Variants in GPC6 observed in about 807,000 individuals in gnomAD.
The protein encoded by GPC6 is glypican-6.
Under a neutral mutation model 55.2 loss-of-function variants are expected in GPC6, and 14 were observed. That is an observed-to-expected ratio of 0.25 (90% CI 0.17 to 0.40). The LOEUF (loss-of-function observed/expected upper bound fraction) is 0.40, where lower values mean the gene tolerates loss of function less well. GPC6 is among the 10% of genes least tolerant of loss of function. GPC6 has a pLI of 1.00. For missense variants in GPC6, 641 were observed against 708.5 expected (o/e 0.90, Z 1.08); for synonymous variants, 278 against 259.6 (o/e 1.07, Z -0.68).
chr13:94,027,325 A>G (rs1882938674), intron 3 of GPC6, among the ~76,000 whole-genome samples: 1 of 152,186 alleles, frequency 6.6e-6, no homozygotes, highest in African/African-American at 2.4e-5. Context: ...TACAAAGGAA[A>G]TATATCTGCC....
At chr13:94,268,917 G>C (rs1319120190) in intron 4 of GPC6, among the ~76,000 whole-genome samples, 1 of 152,180 alleles carries the variant, frequency 6.6e-6, no homozygotes, top group Non-Finnish European at 1.5e-5. Context: ...GTACTTACTA[G>C]TGTTTAGAAG....
At chr13:94,194,943 C>T (rs1023389415) in intron 4 of GPC6, among the ~76,000 whole-genome samples, 5 of 151,782 alleles carry the variant, frequency 3.3e-5, no homozygotes, top group Non-Finnish European at 7.4e-5. Flanking sequence ...ATGTACCCTT[C>T]CCACACACAC....
intron 1 of GPC6, among the ~76,000 whole-genome samples, chr13:93,497,778 A>G (rs1488826405): frequency 6.6e-6 from 1 of 152,260 alleles, no homozygotes; most frequent in African/African-American, 2.4e-5. Context: ...ACTGAACCAT[A>G]GAACCAGTAA....
At chr13:93,918,141 G>A (rs1376332976) in intron 3 of GPC6, among the ~76,000 whole-genome samples, 2 of 151,736 alleles carry the variant, frequency 1.3e-5, no homozygotes, top group East Asian at 3.9e-4. Flanking sequence ...CTTGGAGATC[G>A]ACAAGATGAC....
In GPC6 at chr13:94,118,682, T is replaced by G. The variant is rs926103253; in HGVS notation, c.877+90788T>G. 7.9e-5 allele frequency among the ~76,000 whole-genome samples: 12 copies of G among 152,258 alleles called. No individual in the cohort carries two copies. The South Asian group carries it at 1.5e-3, about 18-fold the overall frequency. On this transcript the variant is annotated intron_variant, in intron 4 of 8. Transcript: ENST00000377047. ...CAAGGTTTCTATTGCTTTTTGAAGTTTATTCTCCCTTCTTTAGCTATAGCC... is the reference window on the plus strand; with the variant it reads ...CAAGGTTTCTATTGCTTTTTGAAGTGTATTCTCCCTTCTTTAGCTATAGCC...
intron 2 of GPC6, among the ~76,000 whole-genome samples, chr13:93,825,860 C>CTTTTTTTTTTTTTTTTTTTTTTTT (rs1029574657): frequency 1.6e-5 from 2 of 124,184 alleles, no homozygotes; most frequent in Non-Finnish European, 3.4e-5. Context: ...TTATTATTTT[C>CTTTTTTTTTTTTTTTTTTTTTTTT]TTTTTTTTTT....
intron 4 of GPC6, among the ~76,000 whole-genome samples, chr13:94,045,446 G>A (rs1399879563): frequency 6.6e-6 from 1 of 151,796 alleles, no homozygotes; most frequent in Non-Finnish European, 1.5e-5. Context: ...TCAAGTGTTT[G>A]CAGACATTCT....
chr13:94,255,776 T>G (rs576060612), intron 4 of GPC6, among the ~76,000 whole-genome samples: 10 of 152,264 alleles, frequency 6.6e-5, no homozygotes, highest in African/African-American at 2.4e-4. Context: ...GGAAAAGGAT[T>G]GAGACCTGGG....
intron 1 of GPC6, among the ~76,000 whole-genome samples, chr13:93,508,707 G>A (rs1880827067): frequency 6.6e-6 from 1 of 152,218 alleles, no homozygotes; most frequent in Non-Finnish European, 1.5e-5. Flanking sequence ...CCTAAAGGTA[G>A]AGAGGTATTG....
chr13:94,337,595 G>A (rs2139151220), intron 6 of GPC6, among the ~76,000 whole-genome samples: 1 of 151,812 alleles, frequency 6.6e-6, no homozygotes, highest in South Asian at 2.1e-4. Flanking sequence ...TTACAGGTGT[G>A]CACCACCACA....
In GPC6 at chr13:94,030,593, C is replaced by A. The variant is rs144786404; in HGVS notation, c.877+2699C>A. Among the ~76,000 whole-genome samples the A allele has an allele frequency of 1.4e-3, 216 of 152,104 alleles. 1 individual carries two copies. Among genetic ancestry groups the A allele is most frequent in the African/African-American group, 5.0e-3 (207 of 41,506 alleles). On this transcript the variant is annotated intron_variant, in intron 4 of 8. Coordinates refer to ENST00000377047, the MANE Select transcript of GPC6 (RefSeq NM_005708.5). The stretch of plus-strand genomic sequence containing the variant: ...AAGATCAGTGAGCAAATCGGTAATC[C>A]AACAAAAATTATATATAATAGCCCT...
At chr13:93,229,795 C>G (rs1387044692) in intron 1 of GPC6, among the ~76,000 whole-genome samples, 2 of 151,816 alleles carry the variant, frequency 1.3e-5, no homozygotes, top group Non-Finnish European at 2.9e-5. Flanking sequence ...TCCTTTGATG[C>G]TGGTAGACAT....
At chr13:94,132,547 C>G (rs950086129) in intron 4 of GPC6, among the ~76,000 whole-genome samples, 1 of 152,154 alleles carries the variant, frequency 6.6e-6, no homozygotes, top group African/African-American at 2.4e-5. Context: ...AAAGAATCCT[C>G]AAGATCTCTT....
intron 4 of GPC6, among the ~76,000 whole-genome samples, chr13:94,035,594 C>T (rs1883306227): frequency 6.6e-6 from 1 of 151,936 alleles, no homozygotes; most frequent in Admixed American, 6.6e-5. Context: ...TAAAGGAAGG[C>T]GGTTTACCTC....
chr13:93,946,606 G>C (rs1368303648), intron 3 of GPC6, among the ~76,000 whole-genome samples: 7 of 152,142 alleles, frequency 4.6e-5, no homozygotes, highest in Non-Finnish European at 1.5e-5. Context: ...TCAGTCTTCT[G>C]GGTTTTGAGA....
At chr13:93,776,921 C>T (rs574058224) in intron 2 of GPC6, among the ~76,000 whole-genome samples, 10 of 152,252 alleles carry the variant, frequency 6.6e-5, no homozygotes, top group South Asian at 4.1e-4. Context: ...ACAAACTATA[C>T]GGAACAGTTG....
At chr13:93,543,207 T>C (rs972399824) in intron 1 of GPC6, among the ~76,000 whole-genome samples, 1 of 152,204 alleles carries the variant, frequency 6.6e-6, no homozygotes, top group African/African-American at 2.4e-5. Flanking sequence ...CATCAATACC[T>C]AATTTATTGA....
chr13:94,015,605 A>T (rs1882433168), intron 3 of GPC6, among the ~76,000 whole-genome samples: 2 of 152,244 alleles, frequency 1.3e-5, no homozygotes, highest in South Asian at 4.1e-4. Flanking sequence ...ATCAAGATTT[A>T]CCCCATATGT....
intron 3 of GPC6, among the ~76,000 whole-genome samples, chr13:93,854,408 A>G (rs1315370119): frequency 1.3e-5 from 2 of 151,594 alleles, no homozygotes; most frequent in African/African-American, 4.8e-5. Context: ...ATGCTAGGGT[A>G]TTTTTCCCCA....
Sources: gnomAD v4.1 joint callset for allele counts (sites outside exome capture counted in the v4.1 genomes callset) on GRCh38, gnomAD v4.1.1 for gene constraint, MANE v1.5 for transcripts, NCBI Gene and HGNC (gene_info 2026-07-23, HGNC 2026-07-21) for gene names.